NCAN: variants seen among roughly 807,000 people sequenced by gnomAD.
NCAN encodes neurocan.
In NCAN, 47 loss-of-function variants were observed where a neutral mutation model predicts 121.8. That is an observed-to-expected ratio of 0.39 (90% CI 0.31 to 0.49). The LOEUF (loss-of-function observed/expected upper bound fraction) is 0.49, where lower values mean the gene tolerates loss of function less well. Ranked by LOEUF, NCAN falls within the 20% of genes least tolerant of loss-of-function variation. The pLI is 0.92. For synonymous variants in NCAN, 633 were observed against 702.0 expected (o/e 0.90, Z 1.55); for missense variants, 1,517 against 1,773.4 (o/e 0.86, Z 2.60).
chr19:19,244,394 G>C (rs181939891), intron 12 of NCAN, among the ~76,000 whole-genome samples: 1 of 145,310 alleles, frequency 6.9e-6, no homozygotes, highest in African/African-American at 2.6e-5. Context: ...TGCAACCTCT[G>C]CCTCCCAGGC....
chr19:19,247,694 A>G (rs1392636017), intron 13 of NCAN, among the ~76,000 whole-genome samples: 1 of 152,056 alleles, frequency 6.6e-6, no homozygotes, highest in Non-Finnish European at 1.5e-5. Flanking sequence ...CCCGGCCTTT[A>G]TTTGCTCAGA....
At chr19:19,224,860 C>T (rs1436280557) in intron 5 of NCAN, 117 bp from the exon 6 acceptor site, 3 of 926,924 alleles carry the variant, frequency 3.2e-6, no homozygotes, top group East Asian at 6.4e-5. Flanking sequence ...TTGTCACCGC[C>T]TCTTCTAACC....
rs1390893176 is a variant in NCAN, at chr19:19,250,155, T to A, written c.*244T>A. On this transcript the variant is annotated 3_prime_UTR_variant, in exon 15 of 15. Transcript: ENST00000252575. ...TTCTCGTCTGGCTGAACTCTGGGAG[T>A]GTGTCCCAGCTGAGGGAAGCACAAG... 1.5e-6 allele frequency: 1 copy of A among 660,412 alleles called. No homozygotes were observed. Among genetic ancestry groups the A allele is most frequent in the South Asian group, 1.5e-5 (1 of 66,422 alleles). The allele number at this position is 660,412 out of a possible 1,614,324, so 40.9% of individuals were successfully genotyped here.
chr19:19,235,484 C>T (rs1436076266), intron 10 of NCAN, among the ~76,000 whole-genome samples: 1 of 151,154 alleles, frequency 6.6e-6, no homozygotes, highest in Non-Finnish European at 1.5e-5. Context: ...GTTGGCCGGG[C>T]TGGTCTTGAA....
chr19:19,233,860 G>A lies in NCAN; in HGVS notation c.3091G>A (p.Gly1031Ser). 6.2e-7 allele frequency: 1 copy of A among 1,614,078 alleles called. No individual in the cohort carries two copies. The highest frequency in any genetic ancestry group is 1.3e-5 in the African/African-American group (1 of 75,056). Residue 1031 changes from glycine to serine, a missense_variant, in exon 9 of 15, where the codon GGC becomes AGC. Physicochemically the swap from Gly to Ser is moderately conservative, Grantham distance 56. Coordinates refer to ENST00000252575, the MANE Select transcript of NCAN (RefSeq NM_004386.3). The stretch of plus-strand genomic sequence containing the variant: ...ATGTAATGCCAATGGCACCATGTAT[G>A]GCTGTAGCTGTGATCAGGGCTTCGC... ...GTCNANGTMY[G>S]CSCDQGFAGE...
Position 19,212,038 on chromosome 19 carries a change from C to A in NCAN, c.-34C>A. The A allele has an allele frequency of 4.7e-6, 1 of 213,014 alleles. No individual in the cohort carries two copies. Among genetic ancestry groups the A allele is most frequent in the Non-Finnish European group, 1.0e-5 (1 of 100,086 alleles). 13.2% of individuals were successfully genotyped at this position (213,014 alleles called of 1,614,324 possible). On this transcript the variant is annotated 5_prime_UTR_variant, in exon 1 of 15. Coordinates refer to ENST00000252575, the MANE Select transcript of NCAN (RefSeq NM_004386.3). The surrounding 1 kb of genome is among the most constrained non-coding windows in gnomAD (Gnocchi z 4.5). ...GCGTCCTTTGTGCCCGGCGGCCGCC[C>A]CGGGATGCGTCCGAGCTAGGAGCCA...
chr19:19,213,497 G>A (rs1191293131), intron 1 of NCAN, among the ~76,000 whole-genome samples: 1 of 136,130 alleles, frequency 7.3e-6, no homozygotes, highest in Admixed American at 7.3e-5. Flanking sequence ...TTCATCAAGG[G>A]GTTTATGTGG....
intron 13 of NCAN, among the ~76,000 whole-genome samples, chr19:19,247,957 G>A (rs761660273): frequency 6.6e-6 from 1 of 151,946 alleles, no homozygotes; most frequent in Non-Finnish European, 1.5e-5. Flanking sequence ...AAACTAGCCC[G>A]GGCAACATAG....
chr19:19,249,994 C>T lies in NCAN; in HGVS notation c.*83C>T, dbSNP rs1341510563. 4 of 1,426,882 alleles carry T rather than the reference C, an allele frequency of 2.8e-6. No individual in the cohort carries two copies. Among genetic ancestry groups the T allele is most frequent in the Non-Finnish European group, 3.9e-6 (4 of 1,033,438 alleles). 88.4% of individuals were successfully genotyped at this position (1,426,882 alleles called of 1,614,324 possible). ...TGGGGAGACAGAACCCAGAGAGAAACAAGAGAGTCCAGAAGTCCCTGAACC... is the reference window on the plus strand; with the variant it reads ...TGGGGAGACAGAACCCAGAGAGAAATAAGAGAGTCCAGAAGTCCCTGAACC... On this transcript the variant is annotated 3_prime_UTR_variant, in exon 15 of 15. Transcript: ENST00000252575.
Position 19,234,793 on chromosome 19 carries a change from T to C in NCAN, c.3137-190T>C, listed in dbSNP as rs543065306. Reference sequence around the variant, plus strand: ...GCATCTGCTCTCATTAATGCTAATTTATGTTAATTGTATGAGGTTCCACCC... The same window carrying C: ...GCATCTGCTCTCATTAATGCTAATTCATGTTAATTGTATGAGGTTCCACCC... On this transcript the variant is annotated intron_variant, in intron 9 of 14. Transcript: ENST00000252575. Among the ~76,000 whole-genome samples, 3 of 152,326 alleles carry C rather than the reference T, an allele frequency of 2.0e-5. No homozygotes were observed. The East Asian group carries it at 5.8e-4, about 29-fold the overall frequency.
intron 10 of NCAN, among the ~76,000 whole-genome samples, chr19:19,235,958 A>G (rs1191564551): frequency 2.0e-5 from 3 of 151,898 alleles, no homozygotes; most frequent in Non-Finnish European, 4.4e-5. Context: ...TGTTGCCCAG[A>G]CTGGTCTTGA....
chr19:19,220,400 T>C (rs2060811882), intron 3 of NCAN, among the ~76,000 whole-genome samples: 1 of 151,498 alleles, frequency 6.6e-6, no homozygotes, highest in South Asian at 2.1e-4. Context: ...ATTTAAGATG[T>C]ATATTAAATA....
chr19:19,220,606 C>T (rs943111229), intron 3 of NCAN, among the ~76,000 whole-genome samples: 1 of 151,792 alleles, frequency 6.6e-6, no homozygotes, highest in African/African-American at 2.4e-5. Context: ...TACAGGCGCC[C>T]GCCACAGCGC....
At position 19,226,475 on chromosome 19, in the gene NCAN, T is replaced by C; in HGVS notation, c.1073-11T>C. The C allele has an allele frequency of 6.4e-7, 1 of 1,552,196 alleles. No individual in the cohort carries two copies. On this transcript the variant is annotated splice_polypyrimidine_tract_variant and intron_variant, in intron 6 of 14. Transcript: ENST00000252575. ...TGGGCCTAACACAACCTCTTCTGCT[T>C]TCTCCCACAGCTCATCACCCCACGT... is the stretch of plus-strand genomic sequence containing the variant.
At chr19:19,233,511 C>T (rs2060869114) in intron 8 of NCAN, among the ~76,000 whole-genome samples, 1 of 152,120 alleles carries the variant, frequency 6.6e-6, no homozygotes, top group Non-Finnish European at 1.5e-5. Flanking sequence ...CTTCAGGCAG[C>T]CCTGGTCTCT....
chr19:19,227,050 A>G lies in NCAN; in HGVS notation c.1637A>G (p.Asn546Ser). The change falls in exon 7 of 15, where the codon AAT becomes AGT. Residue 546 changes from asparagine (N) to serine (S), a missense_variant. Coordinates refer to ENST00000252575, the MANE Select transcript of NCAN (RefSeq NM_004386.3). The surrounding 1 kb of genome is among the most constrained non-coding windows in gnomAD (Gnocchi z 4.2). ...QSRSPWADLT[N>S]EVDMPGAGSA... is the part of the protein sequence containing the mutation. Reference sequence around the variant, plus strand: ...CGGAGCCCCTGGGCTGATCTGACCAATGAGGTGGATATGCCTGGAGCTGGT... The same window carrying G: ...CGGAGCCCCTGGGCTGATCTGACCAGTGAGGTGGATATGCCTGGAGCTGGT... The G allele has an allele frequency of 6.6e-7, 1 of 1,512,512 alleles. No homozygotes were observed. Among genetic ancestry groups the G allele is most frequent in the South Asian group, 1.3e-5 (1 of 74,590 alleles). 93.7% of individuals were successfully genotyped at this position (1,512,512 alleles called of 1,614,324 possible). A position where few individuals can be genotyped will look rare whatever the true frequency, so the allele number is the denominator to read the frequency against.
In NCAN at chr19:19,250,236, G is replaced by C; in HGVS notation, c.*325G>C. On this transcript the variant is annotated 3_prime_UTR_variant, in exon 15 of 15. Transcript: ENST00000252575. ...TGCCAGGCTGATTGAAGCAGGCCTT[G>C]ATGAGGGTGCATGAGTGTATGTTTG... 1 of 532,542 alleles carries C rather than the reference G, an allele frequency of 1.9e-6. No individual in the cohort carries two copies. The highest frequency in any genetic ancestry group is 3.6e-6 in the Non-Finnish European group (1 of 277,918). 33.0% of individuals were successfully genotyped at this position (532,542 alleles called of 1,614,324 possible).
chr19:19,249,845 G>C lies in NCAN; in HGVS notation c.3900G>C (p.Lys1300Asn), dbSNP rs753847946. The stretch of plus-strand genomic sequence containing the variant: ...AGCATCACCACCACAAATCCCGCAA[G>C]GAGCGCAGAAAACACAAGAAACACC... The part of the protein sequence containing the change: ...HHQHHHHKSR[K>N]ERRKHKKHPT... Residue 1300 changes from lysine (K) to asparagine (N), a missense_variant, in exon 15 of 15, where the codon AAG (lysine) becomes AAC (asparagine). By Grantham distance (94) the Lys-to-Asn change is moderately conservative (BLOSUM62 0). Coordinates refer to ENST00000252575, the MANE Select transcript of NCAN (RefSeq NM_004386.3). The C allele has an allele frequency of 1.2e-6, 2 of 1,613,976 alleles. 1 individual carries two copies. The highest frequency in any genetic ancestry group is 2.2e-5 in the South Asian group (2 of 91,064).
At chr19:19,238,126 G>T in intron 10 of NCAN, 127 bp from the exon 11 acceptor site, 2 of 1,200,062 alleles carry the variant, frequency 1.7e-6, no homozygotes, top group Non-Finnish European at 2.4e-6. Context: ...CAGGCATGGG[G>T]AGAGGGGTGA....
Sources: gnomAD v4.1 joint callset for allele counts (sites outside exome capture counted in the v4.1 genomes callset) on GRCh38, gnomAD v4.1.1 for gene constraint, Gnocchi (gnomAD v3.1) non-coding constraint, MANE v1.5 for transcripts, NCBI Gene and HGNC (gene_info 2026-07-23, HGNC 2026-07-21) for gene names.